Variants in SOX6 observed in about 807,000 individuals in gnomAD.
SOX6 encodes the protein SRY-box transcription factor 6.
A neutral mutation model predicts 97.8 loss-of-function variants in SOX6; 11 were observed. The ratio of observed to expected loss-of-function variants is 0.11; its 90% CI spans 0.07 to 0.19. The LOEUF (loss-of-function observed/expected upper bound fraction) is 0.19. Among genes scored for constraint, SOX6 ranks in the 10% least tolerant of loss-of-function variants. The pLI is 1.00. For missense variants in SOX6, 810 were observed against 1,039.5 expected, an observed-to-expected ratio of 0.78 and a Z score of 3.04; for synonymous variants, 360 against 371.4, an observed-to-expected ratio of 0.97 and a Z score of 0.35.
At chr11:16,458,432 T>G (rs578245888) in intron 1 of SOX6, among the ~76,000 whole-genome samples, 1 of 151,746 alleles carries the variant, frequency 6.6e-6, no homozygotes, top group Non-Finnish European at 1.5e-5. Flanking sequence ...TTTTAAAGTA[T>G]GCAAAAAAGT....
At chr11:16,502,989 A>AC (rs906809636) in intron 4 of SOX6, among the ~76,000 whole-genome samples, 2 of 152,136 alleles carry the variant, frequency 1.3e-5, no homozygotes, top group Non-Finnish European at 2.9e-5. Context: ...TTAGAAAAGC[A>AC]CCCCCGTCAA....
chr11:16,658,596 T>C (rs944163074), intron 3 of SOX6, among the ~76,000 whole-genome samples: 3 of 151,846 alleles, frequency 2.0e-5, no homozygotes, highest in African/African-American at 7.3e-5. Context: ...TAGTCCCAGC[T>C]ACTAGGGAGG....
chr11:16,242,022 T>C (rs1448209541), intron 3 of SOX6, among the ~76,000 whole-genome samples: 1 of 151,986 alleles, frequency 6.6e-6, no homozygotes, highest in Non-Finnish European at 1.5e-5. Flanking sequence ...AATCTAAACA[T>C]TATGAAAACC....
intron 9 of SOX6, among the ~76,000 whole-genome samples, chr11:16,080,688 T>C (rs1848454209): frequency 6.6e-6 from 1 of 152,210 alleles, no homozygotes; most frequent in Admixed American, 6.5e-5. Context: ...ATCAAAGATA[T>C]GCTGTCTCAC....
chr11:16,442,498 CAT>C (rs1859522656), intron 1 of SOX6, among the ~76,000 whole-genome samples: 1 of 152,104 alleles, frequency 6.6e-6, no homozygotes, highest in African/African-American at 2.4e-5. Context: ...CATGCATTCA[CAT>C]ATTTTGCATA....
At chr11:16,584,416 C>G (rs545836519) in intron 4 of SOX6, among the ~76,000 whole-genome samples, 1 of 152,272 alleles carries the variant, frequency 6.6e-6, no homozygotes, top group African/African-American at 2.4e-5. Context: ...CCAGTATCAT[C>G]ATCTTGACAT....
intron 6 of SOX6, among the ~76,000 whole-genome samples, chr11:16,181,490 TAATCTC>T (rs1386960085): frequency 6.6e-6 from 1 of 150,790 alleles, no homozygotes; most frequent in Non-Finnish European, 1.5e-5. Context: ...AATCCAACAA[TAATCTC>T]TCTCTTAAAT....
At chr11:16,147,496 TATA>T (rs888318236) in intron 6 of SOX6, among the ~76,000 whole-genome samples, 53 of 152,118 alleles carry the variant, frequency 3.5e-4, no homozygotes, top group African/African-American at 1.3e-3. Context: ...GAACTTAAAG[TATA>T]ATAATAAAAA....
chr11:16,191,417 C>T (rs113439639), intron 4 of SOX6, among the ~76,000 whole-genome samples: 8,566 of 152,090 alleles, frequency 0.056, 624 homozygotes, highest in East Asian at 0.37. Context: ...GCCATGATTG[C>T]GCCACTGCAC....
chr11:16,033,380 CAT>C (rs1855433218), intron 12 of SOX6, among the ~76,000 whole-genome samples: 1 of 152,108 alleles, frequency 6.6e-6, no homozygotes, highest in Non-Finnish European at 1.5e-5. Context: ...TAGTAATACA[CAT>C]GTTGTTGATC....
chr11:16,408,102 A>G (rs904134445), intron 1 of SOX6, among the ~76,000 whole-genome samples: 3 of 152,158 alleles, frequency 2.0e-5, no homozygotes, highest in Non-Finnish European at 4.4e-5. Flanking sequence ...GCAAGTATCA[A>G]TTATTACAGC....
At chr11:16,643,105 T>C (rs113006132) in intron 3 of SOX6, among the ~76,000 whole-genome samples, 364 of 152,354 alleles carry the variant, frequency 2.4e-3, no homozygotes, top group African/African-American at 8.2e-3. Flanking sequence ...GTGGATGTCC[T>C]TTCTGTTTGT....
chr11:16,486,724 G>T (rs1860441490), intron 4 of SOX6, among the ~76,000 whole-genome samples: 1 of 151,908 alleles, frequency 6.6e-6, no homozygotes, highest in Non-Finnish European at 1.5e-5. Flanking sequence ...GGCCGAGCAT[G>T]ATAGTCCCGG....
intron 7 of SOX6, among the ~76,000 whole-genome samples, chr11:16,099,377 G>A (rs1182257196): frequency 6.6e-6 from 1 of 151,604 alleles, no homozygotes; most frequent in Non-Finnish European, 1.5e-5. Flanking sequence ...AAGTCAAATA[G>A]TATTTCTTTG....
At chr11:16,494,610 A>G (rs549057610) in intron 4 of SOX6, among the ~76,000 whole-genome samples, 8 of 152,286 alleles carry the variant, frequency 5.3e-5, no homozygotes, top group African/African-American at 1.4e-4. Context: ...GAAGTCAATA[A>G]TCACCCTTCA....
At position 16,670,056 on chromosome 11, in the gene SOX6, G is replaced by A. The variant is rs192648057; in HGVS notation, n.429+44774C>T. ...CCCTTCCCTGGGAATCCCTACCCCC[G>A]CCCTTCACCAGGCAAGGCCCCCAAC... On this transcript the variant is annotated intron_variant and non_coding_transcript_variant, in intron 3 of 5. Transcript: ENST00000524520. 2.3e-3 allele frequency among the ~76,000 whole-genome samples: 349 copies of A among 151,962 alleles called. 2 individuals carry two copies. Among genetic ancestry groups the A allele is most frequent in the African/African-American group, 8.2e-3 (339 of 41,442 alleles).
chr11:16,139,718 G>A (rs1349695384), intron 6 of SOX6, among the ~76,000 whole-genome samples: 1 of 151,220 alleles, frequency 6.6e-6, no homozygotes, highest in Non-Finnish European at 1.5e-5. Context: ...TATTACTATT[G>A]GAGTGTATTT....
At chr11:16,473,145 T>A (rs528702213) in intron 1 of SOX6, among the ~76,000 whole-genome samples, 29 of 152,320 alleles carry the variant, frequency 1.9e-4, no homozygotes, top group African/African-American at 7.0e-4. Context: ...GTACCTTTGT[T>A]CTCCAAAATA....
At chr11:16,279,884 G>A (rs1038005400) in intron 3 of SOX6, among the ~76,000 whole-genome samples, 4 of 151,890 alleles carry the variant, frequency 2.6e-5, no homozygotes, top group Admixed American at 2.6e-4. Context: ...ATACCAATGA[G>A]GCATACTAAC....
Sources: allele counts gnomAD v4.1 joint callset (sites outside exome capture counted in the v4.1 genomes callset), GRCh38; gene constraint gnomAD v4.1.1; transcripts MANE v1.5; gene names NCBI Gene and HGNC (gene_info 2026-07-23, HGNC 2026-07-21).